THSD7B: variants seen among roughly 807,000 people sequenced by gnomAD.
THSD7B encodes the protein thrombospondin type-1 domain-containing protein 7B.
Under a neutral mutation model 213.6 loss-of-function variants are expected in THSD7B, and 138 were observed. The ratio of observed to expected loss-of-function variants is 0.65; its 90% CI spans 0.56 to 0.74. The LOEUF (loss-of-function observed/expected upper bound fraction) is 0.74. Among genes scored for constraint, THSD7B ranks in the 30% least tolerant of loss-of-function variants. The pLI is 0.00. For synonymous variants in THSD7B, 742 were observed against 687.0 expected (o/e 1.08, Z -1.25); for missense variants, 1,931 against 1,991.5 (o/e 0.97, Z 0.58).
chr2:137,405,465 G>A, intron 12 of THSD7B, 148 bp from the exon 13 acceptor site: 1 of 555,584 alleles, frequency 1.8e-6, no homozygotes, highest in South Asian at 4.0e-5. Context: ...TTTCCAGAGA[G>A]AAATAAGGTT....
chr2:137,655,376 G>C (rs1313003241), intron 21 of THSD7B, 125 bp from the exon 22 acceptor site: 2 of 992,948 alleles, frequency 2.0e-6, no homozygotes, highest in East Asian at 2.7e-5. Flanking sequence ...TTGAGAGATA[G>C]CTCACAAGAA....
chr2:137,627,409 AATC>A (rs1165187787), intron 20 of THSD7B, among the ~76,000 whole-genome samples: 1 of 152,206 alleles, frequency 6.6e-6, no homozygotes, highest in East Asian at 1.9e-4. Flanking sequence ...AGTTTGGAGA[AATC>A]ATCATTGGGA....
At chr2:137,032,228 AC>A (rs1686688517) in intron 2 of THSD7B, among the ~76,000 whole-genome samples, 1 of 152,078 alleles carries the variant, frequency 6.6e-6, no homozygotes, top group Admixed American at 6.6e-5. Context: ...TAAAGTTGGG[AC>A]ATGAAGTTAA....
intron 10 of THSD7B, among the ~76,000 whole-genome samples, chr2:137,271,432 A>T (rs1682734255): frequency 7.4e-6 from 1 of 134,612 alleles, no homozygotes; most frequent in Non-Finnish European, 1.6e-5. Flanking sequence ...ATTATATAAT[A>T]TATATAATAT....
intron 15 of THSD7B, among the ~76,000 whole-genome samples, chr2:137,542,932 C>G (rs1254506846): frequency 6.6e-6 from 1 of 151,702 alleles, no homozygotes; most frequent in East Asian, 1.9e-4. Context: ...TTATCACAAC[C>G]TTAGTGGCTT....
At chr2:137,635,986 G>A (rs1280833191) in intron 20 of THSD7B, among the ~76,000 whole-genome samples, 1 of 152,130 alleles carries the variant, frequency 6.6e-6, no homozygotes, top group African/African-American at 2.4e-5. Context: ...ACAGACATGA[G>A]CTACTGTGCC....
chr2:137,549,308 CTCTTTTTTTTTT>C (rs1267903371), intron 15 of THSD7B, among the ~76,000 whole-genome samples: 5 of 100,178 alleles, frequency 5.0e-5, no homozygotes, highest in Admixed American at 1.1e-4. Context: ...TTTTCAGATG[CTCTTTTTTTTTT>C]TTTTTTTTTT....
At chr2:137,027,454 C>T (rs1686576621) in intron 2 of THSD7B, among the ~76,000 whole-genome samples, 1 of 152,106 alleles carries the variant, frequency 6.6e-6, no homozygotes, top group South Asian at 2.1e-4. Flanking sequence ...AAACCTTTGC[C>T]CAGAAGGAAC....
At chr2:137,421,071 AC>A (rs1169427075) in intron 14 of THSD7B, among the ~76,000 whole-genome samples, 1 of 152,092 alleles carries the variant, frequency 6.6e-6, no homozygotes, top group African/African-American at 2.4e-5. Flanking sequence ...ACTTACGACT[AC>A]CTGACCTGTG....
intron 2 of THSD7B, among the ~76,000 whole-genome samples, chr2:137,031,948 C>A (rs1433628416): frequency 6.6e-6 from 1 of 151,746 alleles, no homozygotes; most frequent in Non-Finnish European, 1.5e-5. Context: ...TTTAAACAAT[C>A]CTCCCACCTC....
chr2:137,222,584 C>A (rs111781059), intron 7 of THSD7B, among the ~76,000 whole-genome samples: 1 of 152,130 alleles, frequency 6.6e-6, no homozygotes, highest in Non-Finnish European at 1.5e-5. Flanking sequence ...TGTATACCTT[C>A]GTGGGCAAGA....
intron 2 of THSD7B, among the ~76,000 whole-genome samples, chr2:136,939,834 T>C (rs1297612226): frequency 6.6e-6 from 1 of 152,082 alleles, no homozygotes; most frequent in Admixed American, 6.6e-5. Context: ...GCAAGAAAGG[T>C]TTGATTATTT....
At chr2:137,346,154 G>C (rs77492332) in intron 12 of THSD7B, among the ~76,000 whole-genome samples, 3,391 of 151,678 alleles carry the variant, frequency 0.022, 141 homozygotes, top group African/African-American at 0.078. Flanking sequence ...ACAGTGCCTA[G>C]TGTGAACTTT....
At chr2:136,997,282 C>T (rs1347032) in intron 2 of THSD7B, among the ~76,000 whole-genome samples, 89,246 of 151,958 alleles carry the variant, frequency 0.59, 28,502 homozygotes, top group East Asian at 0.94. Context: ...AAAATCCTAC[C>T]TAAAATGAAG....
chr2:137,068,024 G>A (rs1236292115), intron 3 of THSD7B, among the ~76,000 whole-genome samples: 1 of 151,954 alleles, frequency 6.6e-6, no homozygotes, highest in African/African-American at 2.4e-5. Flanking sequence ...TTTCTACTCT[G>A]GTCCTGGTTC....
At chr2:137,383,104 G>T (rs908268426) in intron 12 of THSD7B, among the ~76,000 whole-genome samples, 8 of 152,210 alleles carry the variant, frequency 5.3e-5, no homozygotes, top group African/African-American at 1.9e-4. Flanking sequence ...GGAAAATACA[G>T]AAGTGGCTAG....
intron 3 of THSD7B, among the ~76,000 whole-genome samples, chr2:137,071,542 G>A (rs188928618): frequency 2.6e-5 from 4 of 152,248 alleles, no homozygotes; most frequent in East Asian, 1.9e-4. Flanking sequence ...CTTTTGCTGT[G>A]CAGAAGCTCT....
At chr2:137,280,284 C>A (rs561848918) in intron 12 of THSD7B, among the ~76,000 whole-genome samples, 5 of 152,106 alleles carry the variant, frequency 3.3e-5, no homozygotes, top group Non-Finnish European at 7.4e-5. Flanking sequence ...TGCAGGGCCT[C>A]GTACTTTCAC....
chr2:137,127,850 G>A (rs539904224), intron 5 of THSD7B, among the ~76,000 whole-genome samples: 9 of 152,076 alleles, frequency 5.9e-5, no homozygotes, highest in Non-Finnish European at 8.8e-5. Flanking sequence ...CCCGGGAGGC[G>A]GAGGTTGCAG....
Sources: gnomAD v4.1 joint callset for allele counts (sites outside exome capture counted in the v4.1 genomes callset) on GRCh38, gnomAD v4.1.1 for gene constraint, MANE v1.5 for transcripts, NCBI Gene and HGNC (gene_info 2026-07-23, HGNC 2026-07-21) for gene names.